BTBD9: variants seen among roughly 807,000 people sequenced by gnomAD.
BTBD9 encodes BTB/POZ domain-containing protein 9.
A neutral mutation model predicts 64.3 loss-of-function variants in BTBD9; 49 were observed. The observed-to-expected ratio is 0.76, with a 90% CI of 0.61 to 0.97. BTBD9 has a LOEUF of 0.97. Ranked by LOEUF, BTBD9 falls within the 50% of genes least tolerant of loss-of-function variation. The pLI is 0.00. For missense variants in BTBD9, 598 were observed against 762.1 expected, an observed-to-expected ratio of 0.78 and a Z score of 2.53; for synonymous variants, 260 against 274.7, an observed-to-expected ratio of 0.95 and a Z score of 0.53.
chr6:38,220,390 T>C (rs958690975), intron 9 of BTBD9, among the ~76,000 whole-genome samples: 1 of 152,242 alleles, frequency 6.6e-6, no homozygotes, highest in African/African-American at 2.4e-5. Flanking sequence ...CACCCCAAAG[T>C]AGCTTGTACT....
intron 6 of BTBD9, among the ~76,000 whole-genome samples, chr6:38,574,679 A>G (rs1036259264): frequency 3.9e-5 from 6 of 152,332 alleles, no homozygotes; most frequent in African/African-American, 1.2e-4. Flanking sequence ...ATCAAACCCC[A>G]TGAAGAGGTG....
At chr6:38,255,217 AAAG>A (rs1764534580) in intron 9 of BTBD9, among the ~76,000 whole-genome samples, 1 of 152,222 alleles carries the variant, frequency 6.6e-6, no homozygotes, top group Admixed American at 6.5e-5. Flanking sequence ...GCAAATCCAT[AAAG>A]AAAAGACAGA....
intron 10 of BTBD9, among the ~76,000 whole-genome samples, chr6:38,177,957 G>C (rs1273546191): frequency 6.6e-6 from 1 of 152,208 alleles, no homozygotes; most frequent in Non-Finnish European, 1.5e-5. Flanking sequence ...GGCAGGCCCT[G>C]CCATCAAGTT....
intron 8 of BTBD9, among the ~76,000 whole-genome samples, chr6:38,258,491 A>C (rs1764679626): frequency 6.6e-6 from 1 of 152,208 alleles, no homozygotes; most frequent in South Asian, 2.1e-4. Flanking sequence ...GAGCTCCTTG[A>C]AGGCAGTGTC....
intron 6 of BTBD9, among the ~76,000 whole-genome samples, chr6:38,494,940 T>C (rs1771885837): frequency 6.6e-6 from 1 of 152,240 alleles, no homozygotes; most frequent in African/African-American, 2.4e-5. Flanking sequence ...GCAAGGCATC[T>C]GGGGGCATAC....
At chr6:38,202,036 A>T (rs1414851811) in intron 9 of BTBD9, among the ~76,000 whole-genome samples, 2 of 152,080 alleles carry the variant, frequency 1.3e-5, no homozygotes, top group African/African-American at 4.8e-5. Flanking sequence ...TACAGATTCA[A>T]TACAATCTCC....
intron 4 of BTBD9, among the ~76,000 whole-genome samples, chr6:38,591,542 T>C (rs565908859): frequency 1.3e-5 from 2 of 152,366 alleles, no homozygotes; most frequent in Non-Finnish European, 2.9e-5. Context: ...TTAACAATTA[T>C]GCAGCATAGT....
chr6:38,218,306 C>G (rs1343842367), intron 9 of BTBD9, among the ~76,000 whole-genome samples: 1 of 152,202 alleles, frequency 6.6e-6, no homozygotes, highest in Non-Finnish European at 1.5e-5. Context: ...TGTACTAAAG[C>G]AGATTGCGGA....
chr6:38,518,459 G>C (rs1270639227), intron 6 of BTBD9, among the ~76,000 whole-genome samples: 1 of 152,196 alleles, frequency 6.6e-6, no homozygotes, highest in Non-Finnish European at 1.5e-5. Context: ...TCTGGGAAAG[G>C]TTTCTTAGCT....
intron 6 of BTBD9, among the ~76,000 whole-genome samples, chr6:38,362,118 T>C (rs1764986624): frequency 6.6e-6 from 1 of 152,226 alleles, no homozygotes; most frequent in Non-Finnish European, 1.5e-5. Context: ...TGTTCCTAGG[T>C]ATGCCTTTCT....
At chr6:38,500,372 G>GA (rs1290260166) in intron 6 of BTBD9, among the ~76,000 whole-genome samples, 1 of 151,798 alleles carries the variant, frequency 6.6e-6, no homozygotes, top group Non-Finnish European at 1.5e-5. Context: ...TTTATACCAT[G>GA]AAAAAAAATA....
At chr6:38,332,282 A>G (rs1212887839) in intron 7 of BTBD9, among the ~76,000 whole-genome samples, 1 of 152,174 alleles carries the variant, frequency 6.6e-6, no homozygotes, top group Non-Finnish European at 1.5e-5. Flanking sequence ...AGTTTCCTAC[A>G]GCTCTTTTGG....
chr6:38,638,178 C>G (rs1778593696), intron 1 of BTBD9, among the ~76,000 whole-genome samples: 1 of 152,318 alleles, frequency 6.6e-6, no homozygotes, highest in Non-Finnish European at 1.5e-5. Context: ...CCTACACATC[C>G]TATCTTTTCT....
At chr6:38,303,162 A>C (rs1052147732) in intron 7 of BTBD9, among the ~76,000 whole-genome samples, 2 of 152,102 alleles carry the variant, frequency 1.3e-5, no homozygotes, top group African/African-American at 4.8e-5. Context: ...CCATTTATCT[A>C]TAATTGCTAT....
chr6:38,483,021 C>G (rs1446527404), intron 6 of BTBD9, among the ~76,000 whole-genome samples: 1 of 151,986 alleles, frequency 6.6e-6, no homozygotes, highest in Non-Finnish European at 1.5e-5. Flanking sequence ...ACGGCCCCTA[C>G]AAAGATCCAC....
chr6:38,520,227 G>C (rs1048219681), intron 6 of BTBD9, among the ~76,000 whole-genome samples: 2 of 152,132 alleles, frequency 1.3e-5, no homozygotes, highest in Admixed American at 6.5e-5. Flanking sequence ...GCTGAGGTGG[G>C]TAGATAACCT....
At chr6:38,563,073 TTTC>T (rs1461561277) in intron 6 of BTBD9, among the ~76,000 whole-genome samples, 4 of 152,188 alleles carry the variant, frequency 2.6e-5, no homozygotes, top group South Asian at 2.1e-4. Flanking sequence ...TGACTGTCCT[TTTC>T]TTGCTGGCTA....
chr6:38,636,046 T>C (rs1011941233), intron 1 of BTBD9, among the ~76,000 whole-genome samples: 9 of 152,214 alleles, frequency 5.9e-5, no homozygotes, highest in Non-Finnish European at 1.2e-4. Context: ...CTGCCATTTA[T>C]TATATTAAGC....
intron 1 of BTBD9, among the ~76,000 whole-genome samples, chr6:38,632,410 G>A (rs562787426): frequency 7.2e-5 from 11 of 152,146 alleles, no homozygotes; most frequent in African/African-American, 2.4e-5. Flanking sequence ...TAAATAGAAT[G>A]TATTAATTTT....
Sources: allele counts gnomAD v4.1 joint callset (sites outside exome capture counted in the v4.1 genomes callset), GRCh38; gene constraint gnomAD v4.1.1; transcripts MANE v1.5; gene names NCBI Gene and HGNC (gene_info 2026-07-23, HGNC 2026-07-21).